RIN2: variants seen among roughly 807,000 people sequenced by gnomAD.
RIN2 encodes the protein RAB5 interacting protein 2.
Under a neutral mutation model 78.0 loss-of-function variants are expected in RIN2, and 36 were observed. That is an observed-to-expected ratio of 0.46 (90% CI 0.35 to 0.61). The LOEUF (loss-of-function observed/expected upper bound fraction) is 0.61. RIN2 is among the 20% of genes least tolerant of loss of function. The pLI, the probability that RIN2 is intolerant of heterozygous loss-of-function variation, is 0.00. For synonymous variants in RIN2, 466 were observed against 466.8 expected (o/e 1.00, Z 0.02); for missense variants, 1,087 against 1,159.7 (o/e 0.94, Z 0.91).
Position 19,975,375 on chromosome 20 carries a change from G to C in RIN2, c.1350G>C (p.Leu450=), listed in dbSNP as rs2042246552. Residue 450 remains leucine (L), a synonymous_variant, in exon 9 of 13, where the codon CTG becomes CTC. Coordinates refer to ENST00000255006, the MANE Select transcript of RIN2 (RefSeq NM_018993.4). This position sits in a 1 kb window ranked among gnomAD's most constrained non-coding sequence, Gnocchi z 4.9. ...TGGAGTTCGACCGGAGCATGCCTCT[G>C]TTTGGCTACGAGGCGGACACCAACA... The part of the protein sequence containing the change: ...DSLEFDRSMP[L]FGYEADTNSS... The C allele has an allele frequency of 6.2e-7, 1 of 1,613,972 alleles. No homozygotes were observed. The highest frequency in any genetic ancestry group is 8.5e-7 in the Non-Finnish European group (1 of 1,179,866).
At chr20:19,765,004 A>G (rs1411178156) in intron 1 of RIN2, among the ~76,000 whole-genome samples, 1 of 136,990 alleles carries the variant, frequency 7.3e-6, no homozygotes, top group Admixed American at 8.5e-5. Flanking sequence ...GCTCACTGCA[A>G]CCTCTGCCTA....
chr20:19,964,776 A>G (rs2041884076), intron 6 of RIN2, among the ~76,000 whole-genome samples, 176 bp from the exon 7 acceptor site: 2 of 152,124 alleles, frequency 1.3e-5, no homozygotes, highest in South Asian at 4.2e-4. Context: ...CAGATCATCG[A>G]CTGTTTACCG....
chr20:19,955,393 GT>G (rs2041492519), intron 4 of RIN2, among the ~76,000 whole-genome samples: 1 of 151,774 alleles, frequency 6.6e-6, no homozygotes, highest in Non-Finnish European at 1.5e-5. Flanking sequence ...CTGGAGTGCA[GT>G]GGTGGGATCA....
chr20:19,775,081 G>T (rs1467614491), intron 1 of RIN2, among the ~76,000 whole-genome samples: 1 of 152,208 alleles, frequency 6.6e-6, no homozygotes, highest in African/African-American at 2.4e-5. Context: ...TGTTAAGTTT[G>T]ATGAGCCTGT....
intron 9 of RIN2, among the ~76,000 whole-genome samples, chr20:19,987,024 A>G (rs1435600260): frequency 6.6e-6 from 1 of 152,220 alleles, no homozygotes; most frequent in African/African-American, 2.4e-5. Context: ...TGAACTTCAT[A>G]TAAACGAAAT....
chr20:19,929,160 G>A (rs1438517545), intron 3 of RIN2, among the ~76,000 whole-genome samples: 1 of 152,166 alleles, frequency 6.6e-6, no homozygotes, highest in Admixed American at 6.5e-5. Context: ...GGTGTCCACA[G>A]ACGAGCAGGG....
chr20:19,921,033 G>T (rs2123796351), intron 3 of RIN2, among the ~76,000 whole-genome samples: 1 of 152,126 alleles, frequency 6.6e-6, no homozygotes, highest in African/African-American at 2.4e-5. Context: ...AAACAACTCT[G>T]GGCTAAGCCT....
intron 4 of RIN2, chr20:19,935,634 A>G: frequency 2.0e-6 from 2 of 989,400 alleles, no homozygotes; most frequent in Non-Finnish European, 2.4e-6. Flanking sequence ...AGCAGTCTCC[A>G]AAAAACCATT....
intron 1 of RIN2, among the ~76,000 whole-genome samples, chr20:19,779,375 G>A (rs973530818): frequency 4.6e-5 from 7 of 152,270 alleles, no homozygotes; most frequent in Middle Eastern, 3.4e-3. Context: ...GCTGAGCTAA[G>A]TGCTCTTCTC....
intron 2 of RIN2, among the ~76,000 whole-genome samples, chr20:19,819,303 A>G (rs1043529204): frequency 6.6e-6 from 1 of 152,212 alleles, no homozygotes; most frequent in Admixed American, 6.5e-5. Flanking sequence ...AGAGAGAAGA[A>G]GAACCAGCAA....
intron 2 of RIN2, among the ~76,000 whole-genome samples, chr20:19,800,934 C>T (rs947600164): frequency 6.6e-6 from 1 of 152,220 alleles, no homozygotes; most frequent in African/African-American, 2.4e-5. Flanking sequence ...CCCAGAGCTG[C>T]CTGATTTCAA....
intron 2 of RIN2, among the ~76,000 whole-genome samples, chr20:19,883,889 TAAAAAAA>T (rs140532587): frequency 1.4e-5 from 2 of 143,738 alleles, no homozygotes; most frequent in Non-Finnish European, 3.1e-5. Context: ...ACCACCTTGT[TAAAAAAA>T]AAAAAAAAAG....
intron 3 of RIN2, chr20:19,934,458 G>T (rs902446664): frequency 8.1e-6 from 8 of 984,974 alleles, no homozygotes; most frequent in Non-Finnish European, 9.6e-6. Context: ...CTGAGATGGG[G>T]CCGCCTTTTC....
chr20:19,766,543 G>A (rs2033892550), intron 1 of RIN2, among the ~76,000 whole-genome samples: 2 of 152,126 alleles, frequency 1.3e-5, no homozygotes, highest in South Asian at 4.1e-4. Context: ...ATTCACAATG[G>A]AAGAGATGTC....
At chr20:19,952,753 G>A (rs2041371283) in intron 4 of RIN2, among the ~76,000 whole-genome samples, 3 of 152,164 alleles carry the variant, frequency 2.0e-5, no homozygotes, top group Non-Finnish European at 4.4e-5. Flanking sequence ...TTTGGTCTTG[G>A]CAAAATATGG....
chr20:19,999,354 G>A (rs1420188142), intron 12 of RIN2, among the ~76,000 whole-genome samples: 2 of 152,076 alleles, frequency 1.3e-5, no homozygotes, highest in Non-Finnish European at 2.9e-5. Context: ...AAAGTCACTG[G>A]GCTAGCAAAA....
At chr20:19,818,657 G>A (rs372077555) in intron 2 of RIN2, among the ~76,000 whole-genome samples, 4 of 151,252 alleles carry the variant, frequency 2.6e-5, no homozygotes, top group Non-Finnish European at 2.9e-5. Context: ...GCTTGAACCC[G>A]GAAGGCAGAA....
intron 2 of RIN2, among the ~76,000 whole-genome samples, chr20:19,833,463 CA>C (rs1319833564): frequency 6.6e-6 from 1 of 152,112 alleles, no homozygotes; most frequent in Non-Finnish European, 1.5e-5. Flanking sequence ...TTCCCGTGTC[CA>C]CATAAAACCT....
chr20:19,958,406 C>A (rs1043021159), intron 5 of RIN2, among the ~76,000 whole-genome samples: 1 of 152,276 alleles, frequency 6.6e-6, no homozygotes, highest in Non-Finnish European at 1.5e-5. Flanking sequence ...CCCAGCTCCC[C>A]CTCCCAAGGT....
Sources: allele counts gnomAD v4.1 joint callset (sites outside exome capture counted in the v4.1 genomes callset), GRCh38; gene constraint gnomAD v4.1.1; non-coding constraint Gnocchi (gnomAD v3.1); transcripts MANE v1.5; gene names NCBI Gene and HGNC (gene_info 2026-07-23, HGNC 2026-07-21).